The following NOC2L variants were observed in gnomAD, a reference collection of about 807,000 sequenced individuals.
NOC2L encodes nucleolar complex protein 2 homolog.
NOC2L carries 101 observed loss-of-function variants against 94.2 expected under a neutral mutation model. That is an observed-to-expected ratio of 1.07 (90% CI 0.91 to 1.26). The LOEUF is 1.26. NOC2L is among the 50% of genes most tolerant of loss of function. NOC2L has a pLI of 0.00. For synonymous variants in NOC2L, 531 were observed against 413.4 expected, an observed-to-expected ratio of 1.28 and a Z score of -3.45; for missense variants, 1,076 against 980.1, an observed-to-expected ratio of 1.10 and a Z score of -1.31.
chr1:956,355 T>C (rs2100396065), intron 4 of NOC2L, 140 bp from the exon 5 acceptor site: 2 of 885,002 alleles, frequency 2.3e-6, no homozygotes, highest in Non-Finnish European at 3.4e-6. Flanking sequence ...CAGAGCCCCA[T>C]ACTGATAACA....
chr1:944,735 C>T lies in NOC2L; in HGVS notation c.2209G>A (p.Glu737Lys), dbSNP rs901756476. The T allele has an allele frequency of 3.1e-6, 5 of 1,600,896 alleles. No homozygotes were observed. The highest frequency in any genetic ancestry group is 1.3e-5 in the African/African-American group (1 of 74,848). ...AGCTGCAGATCCTCCAGCTCGTCCT[C>T]CGGCCCCTGGGCCAGCTGCTGCAGC... ...GELQQLAQGP[E>K]DELEDLQLSE... Residue 737 changes from glutamate (E) to lysine (K), a missense_variant, in exon 19 of 19, where the codon GAG becomes AAG. Glu to Lys is a moderately conservative substitution (Grantham distance 56). This residue lies in a region of NOC2L where 615 missense variants were observed against 577.4 expected (regional missense o/e 1.07). Coordinates refer to ENST00000327044, the MANE Select transcript of NOC2L (RefSeq NM_015658.4).
chr1:956,469 C>T (rs1461737718), intron 4 of NOC2L, among the ~76,000 whole-genome samples: 1 of 152,128 alleles, frequency 6.6e-6, no homozygotes, highest in Non-Finnish European at 1.5e-5. Context: ...ATGGCCACCT[C>T]CAGGTGGTAT....
Position 955,956 on chromosome 1 carries a change from A to T in NOC2L, c.665T>A (p.Leu222Gln), listed in dbSNP as rs1642389004. The T allele has an allele frequency of 1.2e-6, 2 of 1,611,082 alleles. No individual in the cohort carries two copies. Among genetic ancestry groups the T allele is most frequent in the African/African-American group, 2.7e-5 (2 of 74,214 alleles). ...IRDLIGCLQKLLFGKVAKDSS... is the reference protein window; with the variant it reads ...IRDLIGCLQKQLFGKVAKDSS... ...ATCCTTTGCCACCTTTCCAAACAGC[A>T]GCTTCTGGAGACAGCCAATGAGGTC... The change falls in exon 6 of 19, where the codon CTG (leucine) becomes CAG (glutamine). Residue 222 changes from leucine to glutamine, a missense_variant. Physicochemically the swap from Leu to Gln is moderately radical, Grantham distance 113. Transcript: ENST00000327044.
Position 944,647 on chromosome 1 carries a change from C to T in NOC2L, c.*47G>A, listed in dbSNP as rs1230575983. 2 of 1,237,096 alleles carry T rather than the reference C, an allele frequency of 1.6e-6. No individual in the cohort carries two copies. Among genetic ancestry groups the T allele is most frequent in the Non-Finnish European group, 1.2e-6 (1 of 866,652 alleles). 76.6% of individuals were successfully genotyped at this position (1,237,096 alleles called of 1,614,324 possible). On this transcript the variant is annotated 3_prime_UTR_variant, in exon 19 of 19. Transcript: ENST00000327044. ...CCTGACTGCCAGGGAGGTGGAAACA[C>T]TGGCCACCAGCCCGGCAGCCCCTAC...
chr1:955,692 G>A (rs1428692728), intron 6 of NOC2L, among the ~76,000 whole-genome samples: 1 of 152,222 alleles, frequency 6.6e-6, no homozygotes, highest in South Asian at 2.1e-4. Flanking sequence ...CTGAGACTCT[G>A]AGCAGACAAC....
chr1:956,306 C>T (rs755323976), intron 4 of NOC2L, 91 bp from the exon 5 acceptor site: 20 of 1,485,622 alleles, frequency 1.3e-5, no homozygotes, highest in Non-Finnish European at 1.6e-5. Flanking sequence ...GCACCCTCAC[C>T]CTCACCCTCA....
chr1:946,028 C>T (rs1257124815), intron 16 of NOC2L, 145 bp downstream of exon 16: 8 of 656,874 alleles, frequency 1.2e-5, no homozygotes, highest in African/African-American at 3.6e-5. Flanking sequence ...CAACACCTAC[C>T]CCCTCTCCAA....
intron 12 of NOC2L, among the ~76,000 whole-genome samples, chr1:948,808 A>C (rs1642183472): frequency 7.0e-6 from 1 of 142,772 alleles, no homozygotes. Context: ...ATGGCCCCAC[A>C]CAGCCTGGCG....
In NOC2L at chr1:946,255, C is replaced by G. The variant is rs779048301; in HGVS notation, c.1835G>C (p.Gly612Ala). 1 of 1,613,618 alleles carries G rather than the reference C, an allele frequency of 6.2e-7. No individual in the cohort carries two copies. Among genetic ancestry groups the G allele is most frequent in the Non-Finnish European group, 8.5e-7 (1 of 1,179,826 alleles). ...GCTGTAGTACAAGGTCAGGGGTGTCCCCTCTTCCCGGGTCAGCTTCTCCCA... is the reference window on the plus strand; with the variant it reads ...GCTGTAGTACAAGGTCAGGGGTGTCGCCTCTTCCCGGGTCAGCTTCTCCCA... The part of the protein sequence containing the change: ...EAWEKLTREE[G>A]TPLTLYYSHW... The change falls in exon 16 of 19, where the codon GGG becomes GCG. Residue 612 changes from glycine to alanine, a missense_variant. Coordinates refer to ENST00000327044, the MANE Select transcript of NOC2L (RefSeq NM_015658.4).
In NOC2L at chr1:952,563, G is replaced by A. The variant is rs1425714425; in HGVS notation, c.1040C>T (p.Thr347Ile). The A allele has an allele frequency of 6.2e-7, 1 of 1,613,776 alleles. No individual in the cohort carries two copies. The highest frequency in any genetic ancestry group is 1.3e-5 in the African/African-American group (1 of 74,926). ...YITYVRNCKF[T>I]SPGALPFISF... Reference sequence around the variant, plus strand: ...GATGAAGGGGAGGGCACCAGGCGAGGTGAACTTGCAGTTCCTCACATACGT... The same window carrying A: ...GATGAAGGGGAGGGCACCAGGCGAGATGAACTTGCAGTTCCTCACATACGT... The change falls in exon 10 of 19, where the codon ACC becomes ATC. Residue 347 changes from threonine (T) to isoleucine (I), a missense_variant. Thr to Ile is a moderately conservative substitution (Grantham distance 89). Transcript: ENST00000327044.
chr1:944,831 T>G (rs753309397), intron 18 of NOC2L, 31 bp from the exon 19 acceptor site: 67 of 1,471,642 alleles, frequency 4.6e-5, no homozygotes, highest in Non-Finnish European at 6.2e-5. Context: ...TACATAAATT[T>G]TGCTTTATCA....
rs188723620 is a variant in NOC2L at position 957,293 on chromosome 1, C to G, written c.180-20G>C. The G allele has an allele frequency of 6.2e-7, 1 of 1,611,344 alleles. No individual in the cohort carries two copies. Among genetic ancestry groups the G allele is most frequent in the Non-Finnish European group, 8.5e-7 (1 of 1,178,564 alleles). On this transcript the variant is annotated intron_variant, in intron 2 of 18. Transcript: ENST00000327044. The stretch of plus-strand genomic sequence containing the variant: ...CGCCGGCTGAGGAGGCAGAAGTCAG[C>G]GACCCCAGTGGGAAGTGGAAGTAGA...
chr1:954,030 TG>T lies in NOC2L; in HGVS notation c.750del (p.Lys251ArgfsTer35). On this transcript the variant is annotated frameshift_variant, in exon 7 of 19. Coordinates refer to ENST00000327044, the MANE Select transcript of NOC2L (RefSeq NM_015658.4). LOFTEE classifies it high-confidence loss of function. ...TGTATGGCCGAGCCCAGGTAAGCCT[TG>T]ATGTCCACACGAAGCTTCCCCCAGA... is the stretch of plus-strand genomic sequence containing the variant. Reference protein sequence around the residue: ...SPLWGKLRVDIKAYLGSAIQL... With the variant: ...SPLWGKLRVDXKAYLGSAIQL... 1.2e-6 allele frequency: 2 copies of T among 1,607,938 alleles called. No individual in the cohort carries two copies. Among genetic ancestry groups the T allele is most frequent in the Non-Finnish European group, 1.7e-6 (2 of 1,175,824 alleles).
chr1:955,051 C>T (rs972119833), intron 6 of NOC2L, among the ~76,000 whole-genome samples: 2 of 152,242 alleles, frequency 1.3e-5, no homozygotes, highest in African/African-American at 4.8e-5. Context: ...CTGCTCCCCA[C>T]GGCCTGACTC....
At chr1:953,146 A>G (rs1169567062) in intron 9 of NOC2L, 29 bp downstream of exon 9, 1 of 1,507,666 alleles carries the variant, frequency 6.6e-7, no homozygotes, top group Non-Finnish European at 9.2e-7. Flanking sequence ...GCAGATGCTG[A>G]GGGACACAGA....
intron 16 of NOC2L, 38 bp downstream of exon 16, chr1:946,135 G>T: frequency 6.9e-7 from 1 of 1,446,652 alleles, no homozygotes; most frequent in African/African-American, 1.4e-5. Context: ...AACCCAGGAA[G>T]TCACAACACA....
rs754755870 is a variant in NOC2L at position 956,229 on chromosome 1, A to C, written c.487-14T>G. ...AGTGAGGCGTTGCTGAAGGAGCAAGAGTACCAGGGGCGTCAGGGGAGCTGA... is the reference window on the plus strand; with the variant it reads ...AGTGAGGCGTTGCTGAAGGAGCAAGCGTACCAGGGGCGTCAGGGGAGCTGA... On this transcript the variant is annotated splice_polypyrimidine_tract_variant and intron_variant, in intron 4 of 18. Coordinates refer to ENST00000327044, the MANE Select transcript of NOC2L (RefSeq NM_015658.4). 2 of 1,612,474 alleles carry C rather than the reference A, an allele frequency of 1.2e-6. No individual in the cohort carries two copies. The highest frequency in any genetic ancestry group is 1.7e-5 in the Admixed American group (1 of 60,012).
intron 12 of NOC2L, 55 bp downstream of exon 12, chr1:951,072 A>T (rs1642248505): frequency 7.6e-7 from 1 of 1,316,352 alleles, no homozygotes; most frequent in East Asian, 2.5e-5. Context: ...GGAGCAGCAG[A>T]TGCTCCCTAC....
At chr1:955,892 C>T in intron 6 of NOC2L, 31 bp downstream of exon 6, 1 of 1,551,340 alleles carries the variant, frequency 6.4e-7, no homozygotes, top group Non-Finnish European at 8.9e-7. Context: ...CCACCTTCCA[C>T]CCTACCCCCC....
Sources: allele counts gnomAD v4.1 joint callset (sites outside exome capture counted in the v4.1 genomes callset), GRCh38; gene constraint gnomAD v4.1.1; regional missense constraint gnomAD v4.1.1; transcripts MANE v1.5; gene names NCBI Gene and HGNC (gene_info 2026-07-23, HGNC 2026-07-21).